Variants in ANKFN1 observed in about 807,000 individuals in gnomAD.
The protein encoded by ANKFN1 is ankyrin repeat and fibronectin type III domain containing 1.
In ANKFN1, 74 loss-of-function variants were observed where a neutral mutation model predicts 108.7. That is an observed-to-expected ratio of 0.68 (90% CI 0.56 to 0.83). The LOEUF (loss-of-function observed/expected upper bound fraction) is 0.83, where lower values mean the gene tolerates loss of function less well. Among genes scored for constraint, ANKFN1 ranks in the 40% least tolerant of loss-of-function variants. ANKFN1 has a pLI of 0.00. For synonymous variants in ANKFN1, 547 were observed against 516.2 expected (o/e 1.06, Z -0.81); for missense variants, 1,505 against 1,382.3 (o/e 1.09, Z -1.41).
At chr17:56,397,546 A>G (rs1164780142) in intron 8 of ANKFN1, among the ~76,000 whole-genome samples, 3 of 152,248 alleles carry the variant, frequency 2.0e-5, no homozygotes, top group South Asian at 4.1e-4. Context: ...CCCGTCAAGA[A>G]AAATGAGATT....
chr17:56,348,029 A>G (rs2046151353), intron 4 of ANKFN1, among the ~76,000 whole-genome samples: 1 of 152,108 alleles, frequency 6.6e-6, no homozygotes, highest in South Asian at 2.1e-4. Context: ...GGAAAAAGCT[A>G]GAGACAGAAG....
At chr17:56,328,929 C>G (rs1248842705) in intron 4 of ANKFN1, among the ~76,000 whole-genome samples, 2 of 152,056 alleles carry the variant, frequency 1.3e-5, no homozygotes, top group African/African-American at 4.8e-5. Context: ...TTGAATCTGT[C>G]CAGCCCACCC....
intron 5 of ANKFN1, 21 bp downstream of exon 5, chr17:56,350,988 CT>C: frequency 6.2e-7 from 1 of 1,606,468 alleles, no homozygotes; most frequent in Non-Finnish European, 8.5e-7. Context: ...TGTTTTTATT[CT>C]TGTGTCAGTT....
At chr17:56,057,229 G>C (rs1169126144) in intron 4 of ANKFN1, among the ~76,000 whole-genome samples, 1 of 152,060 alleles carries the variant, frequency 6.6e-6, no homozygotes, top group African/African-American at 2.4e-5. Context: ...TCCACTGAAG[G>C]CTTGGATCCC....
intron 20 of ANKFN1, among the ~76,000 whole-genome samples, chr17:56,502,398 C>T (rs528548033): frequency 6.6e-6 from 1 of 152,268 alleles, no homozygotes; most frequent in South Asian, 2.1e-4. Flanking sequence ...AAAATGTGAG[C>T]GATCATCATT....
At chr17:56,458,754 C>T (rs1443095049) in intron 14 of ANKFN1, among the ~76,000 whole-genome samples, 4 of 152,118 alleles carry the variant, frequency 2.6e-5, no homozygotes, top group East Asian at 3.8e-4. Flanking sequence ...TTATCAGTAA[C>T]GGGTATCTAC....
At chr17:56,463,314 T>C (rs2049972370) in intron 14 of ANKFN1, among the ~76,000 whole-genome samples, 1 of 152,192 alleles carries the variant, frequency 6.6e-6, no homozygotes, top group Admixed American at 6.5e-5. Flanking sequence ...AGATTCTAGA[T>C]TCAAATCCAG....
intron 3 of ANKFN1, among the ~76,000 whole-genome samples, chr17:56,307,531 C>A (rs1160501021): frequency 6.6e-6 from 1 of 152,154 alleles, no homozygotes; most frequent in Non-Finnish European, 1.5e-5. Flanking sequence ...CAATGAGATA[C>A]CATCTCACAC....
chr17:56,468,302 C>T (rs2050200741), intron 15 of ANKFN1, among the ~76,000 whole-genome samples: 1 of 152,140 alleles, frequency 6.6e-6, no homozygotes, highest in Non-Finnish European at 1.5e-5. Flanking sequence ...CAGATGCAGC[C>T]CTTGGCCTGG....
At chr17:56,185,393 G>A (rs920576399) in intron 1 of ANKFN1, among the ~76,000 whole-genome samples, 31 of 152,166 alleles carry the variant, frequency 2.0e-4, no homozygotes, top group African/African-American at 7.5e-4. Context: ...TAATTATTTT[G>A]CCATAGGACA....
intron 18 of ANKFN1, among the ~76,000 whole-genome samples, chr17:56,491,466 C>A (rs10515128): frequency 6.6e-6 from 1 of 152,068 alleles, no homozygotes; most frequent in Non-Finnish European, 1.5e-5. Context: ...CTCAATCCTA[C>A]ACTGCTCTGT....
chr17:56,504,302 T>C (rs2051480376), intron 20 of ANKFN1, among the ~76,000 whole-genome samples: 1 of 152,212 alleles, frequency 6.6e-6, no homozygotes, highest in African/African-American at 2.4e-5. Context: ...TAACTAGGTC[T>C]TCTCTTGAAA....
At chr17:56,372,520 G>C in intron 6 of ANKFN1, 126 bp from the exon 7 acceptor site, 2 of 810,788 alleles carry the variant, frequency 2.5e-6, no homozygotes, top group South Asian at 3.3e-5. Context: ...AACAAACACA[G>C]ATCCCACTTT....
Position 56,266,502 on chromosome 17 carries a change from G to C in ANKFN1, c.53+38545G>C, listed in dbSNP as rs573802585. Among the ~76,000 whole-genome samples the C allele has an allele frequency of 3.9e-5, 6 of 152,220 alleles. No homozygotes were observed. The South Asian group carries it at 8.3e-4, about 21-fold the overall frequency. ...TGTGCACATTGGTGGTTTCCACTGG[G>C]TTAACTTGTTAAATGTCCCTCCTAG... On this transcript the variant is annotated intron_variant, in intron 3 of 20. Transcript: ENST00000682825.
chr17:56,137,518 G>A (rs1024557966), intron 4 of ANKFN1, among the ~76,000 whole-genome samples: 1 of 152,054 alleles, frequency 6.6e-6, no homozygotes, highest in Non-Finnish European at 1.5e-5. Flanking sequence ...CTGCTTACTT[G>A]TAAATCTTTT....
At chr17:56,141,140 G>A (rs542571005) in intron 4 of ANKFN1, among the ~76,000 whole-genome samples, 4 of 152,278 alleles carry the variant, frequency 2.6e-5, no homozygotes, top group African/African-American at 9.6e-5. Flanking sequence ...CTTGGTGTGT[G>A]TGCTACAATC....
intron 17 of ANKFN1, among the ~76,000 whole-genome samples, chr17:56,481,070 T>C (rs1183800065): frequency 7.4e-5 from 10 of 134,848 alleles, no homozygotes; most frequent in African/African-American, 1.8e-4. Context: ...CACTGTACTA[T>C]GGTCTGGTCA....
At chr17:56,482,789 T>C in intron 18 of ANKFN1, 1 of 346,202 alleles carries the variant, frequency 2.9e-6, no homozygotes, top group Non-Finnish European at 5.1e-6. Context: ...AGGCTGGACT[T>C]CTTGCCTCCC....
chr17:56,265,177 G>A (rs1233376443), intron 3 of ANKFN1, among the ~76,000 whole-genome samples: 1 of 152,142 alleles, frequency 6.6e-6, no homozygotes, highest in Non-Finnish European at 1.5e-5. Flanking sequence ...CAGTGTTCTA[G>A]TAGTCCATTC....
Sources: allele counts gnomAD v4.1 joint callset (sites outside exome capture counted in the v4.1 genomes callset), GRCh38; gene constraint gnomAD v4.1.1; transcripts MANE v1.5; gene names NCBI Gene and HGNC (gene_info 2026-07-23, HGNC 2026-07-21).